CTNNA3: variants seen among roughly 807,000 people sequenced by gnomAD.
The protein encoded by CTNNA3 is catenin alpha-3.
Under a neutral mutation model 95.7 loss-of-function variants are expected in CTNNA3, and 76 were observed. The observed-to-expected ratio is 0.79, with a 90% CI of 0.66 to 0.96. CTNNA3 has a LOEUF of 0.96. Ranked by LOEUF, CTNNA3 falls within the 40% of genes least tolerant of loss-of-function variation. The probability of loss-of-function intolerance (pLI) is 0.00; values close to 1 mark genes in which losing one functional copy is unlikely to be tolerated. For missense variants in CTNNA3, 1,191 were observed against 1,089.8 expected (o/e 1.09, Z -1.31); for synonymous variants, 431 against 374.4 (o/e 1.15, Z -1.74).
chr10:67,694,618 A>G (rs1390948578), intron 1 of CTNNA3, among the ~76,000 whole-genome samples: 2 of 152,178 alleles, frequency 1.3e-5, no homozygotes, highest in African/African-American at 4.8e-5. Context: ...TCACTTGAAC[A>G]AATGTTACAC....
chr10:65,990,764 A>G (rs1025095296), intron 15 of CTNNA3, among the ~76,000 whole-genome samples: 3 of 151,890 alleles, frequency 2.0e-5, no homozygotes, highest in Non-Finnish European at 2.9e-5. Context: ...GAAGCTTTTT[A>G]GTTTAATATA....
At chr10:66,386,114 G>T (rs533832598) in intron 11 of CTNNA3, among the ~76,000 whole-genome samples, 14 of 152,154 alleles carry the variant, frequency 9.2e-5, no homozygotes, top group Non-Finnish European at 1.6e-4. Flanking sequence ...GCAAGAGAAA[G>T]AAATAAAGGG....
chr10:66,932,022 G>C (rs1246354097), intron 7 of CTNNA3, among the ~76,000 whole-genome samples: 2 of 152,156 alleles, frequency 1.3e-5, no homozygotes, highest in Non-Finnish European at 1.5e-5. Flanking sequence ...AGGTGTCAAA[G>C]GAGGGGGGCC....
At chr10:66,922,328 G>A (rs548431256) in intron 7 of CTNNA3, among the ~76,000 whole-genome samples, 4 of 152,092 alleles carry the variant, frequency 2.6e-5, no homozygotes, top group South Asian at 2.1e-4. Flanking sequence ...TAATCAGCTC[G>A]CTATAGTCGA....
At chr10:66,516,268 T>C (rs1840854315) in intron 11 of CTNNA3, among the ~76,000 whole-genome samples, 1 of 152,052 alleles carries the variant, frequency 6.6e-6, no homozygotes, top group Non-Finnish European at 1.5e-5. Context: ...TGGTAAAGAA[T>C]CATGGCTAAA....
chr10:67,333,959 G>A (rs1841890971), intron 5 of CTNNA3, among the ~76,000 whole-genome samples: 1 of 152,146 alleles, frequency 6.6e-6, no homozygotes, highest in Non-Finnish European at 1.5e-5. Flanking sequence ...AGGACATTGA[G>A]GAAATAGCTG....
chr10:65,970,583 C>G (rs2078074141), intron 16 of CTNNA3, among the ~76,000 whole-genome samples: 1 of 151,410 alleles, frequency 6.6e-6, no homozygotes, highest in Non-Finnish European at 1.5e-5. Context: ...GAAGAAATAT[C>G]TATCTTGCAG....
At chr10:67,079,052 C>T (rs909016880) in intron 7 of CTNNA3, among the ~76,000 whole-genome samples, 1 of 152,102 alleles carries the variant, frequency 6.6e-6, no homozygotes, top group Non-Finnish European at 1.5e-5. Flanking sequence ...AGAATGTACA[C>T]TATGAATTTC....
At chr10:66,695,001 G>T (rs1323321822) in intron 9 of CTNNA3, among the ~76,000 whole-genome samples, 2 of 152,122 alleles carry the variant, frequency 1.3e-5, no homozygotes, top group Non-Finnish European at 2.9e-5. Context: ...CAGAGGCAAA[G>T]AAATACATTT....
At chr10:66,312,573 A>G (rs1013584017) in intron 12 of CTNNA3, among the ~76,000 whole-genome samples, 9 of 151,044 alleles carry the variant, frequency 6.0e-5, no homozygotes, top group African/African-American at 2.2e-4. Context: ...TTTTAGACAG[A>G]GTCTCACTCT....
intron 7 of CTNNA3, among the ~76,000 whole-genome samples, chr10:66,878,858 C>T (rs1414638509): frequency 6.6e-6 from 1 of 152,130 alleles, no homozygotes; most frequent in African/African-American, 2.4e-5. Context: ...GATTCATCCA[C>T]CTGCCTGTTT....
intron 5 of CTNNA3, among the ~76,000 whole-genome samples, chr10:67,503,479 C>G (rs889153402): frequency 6.6e-5 from 10 of 152,100 alleles, no homozygotes; most frequent in African/African-American, 2.4e-4. Flanking sequence ...TGATTTCTCT[C>G]TTTCGTTTAA....
At chr10:66,207,976 A>C (rs1329764297) in intron 13 of CTNNA3, among the ~76,000 whole-genome samples, 1 of 152,140 alleles carries the variant, frequency 6.6e-6, no homozygotes, top group Non-Finnish European at 1.5e-5. Context: ...TGTACTTGCC[A>C]CCACAATATT....
chr10:66,524,155 T>A (rs562391916), intron 10 of CTNNA3, among the ~76,000 whole-genome samples: 3 of 13,468 alleles, frequency 2.2e-4, no homozygotes, highest in African/African-American at 3.5e-4. Context: ...ACTTAACATA[T>A]CCATGGAAAT....
At chr10:66,264,817 T>C (rs1285161574) in intron 13 of CTNNA3, among the ~76,000 whole-genome samples, 2 of 151,934 alleles carry the variant, frequency 1.3e-5, no homozygotes, top group African/African-American at 4.8e-5. Flanking sequence ...ATACTTCCTA[T>C]GGATTGGTGA....
At chr10:67,442,946 T>TC (rs1279305534) in intron 5 of CTNNA3, among the ~76,000 whole-genome samples, 1 of 66,098 alleles carries the variant, frequency 1.5e-5, no homozygotes, top group Non-Finnish European at 2.7e-5. Context: ...CCCTCCCCCC[T>TC]CCCCCCACCC....
At chr10:66,946,060 A>C (rs1402041860) in intron 7 of CTNNA3, among the ~76,000 whole-genome samples, 5 of 152,198 alleles carry the variant, frequency 3.3e-5, no homozygotes, top group Non-Finnish European at 7.4e-5. Context: ...AGAGACATGA[A>C]ATGAGCACAT....
chr10:67,564,300 A>T (rs1841662598), intron 3 of CTNNA3, among the ~76,000 whole-genome samples: 1 of 149,970 alleles, frequency 6.7e-6, no homozygotes, highest in Non-Finnish European at 1.5e-5. Flanking sequence ...AATCCATGGA[A>T]TACTATGCAG....
At chr10:66,954,730 C>T (rs1013726773) in intron 7 of CTNNA3, among the ~76,000 whole-genome samples, 3 of 152,080 alleles carry the variant, frequency 2.0e-5, no homozygotes, top group African/African-American at 7.2e-5. Context: ...CTGTCACAGC[C>T]CAGGTATACC....
Sources: gnomAD v4.1 joint callset for allele counts (sites outside exome capture counted in the v4.1 genomes callset) on GRCh38, gnomAD v4.1.1 for gene constraint, MANE v1.5 for transcripts, NCBI Gene and HGNC (gene_info 2026-07-23, HGNC 2026-07-21) for gene names.